Variants in PAPOLA observed in about 807,000 individuals in gnomAD.
The protein encoded by PAPOLA is poly(A) polymerase alpha.
A neutral mutation model predicts 100.6 loss-of-function variants in PAPOLA; 15 were observed. The observed-to-expected ratio is 0.15, with a 90% CI of 0.10 to 0.23. The LOEUF (loss-of-function observed/expected upper bound fraction) is 0.23. Among genes scored for constraint, PAPOLA ranks in the 10% least tolerant of loss-of-function variants. The pLI, the probability that PAPOLA is intolerant of heterozygous loss-of-function variation, is 1.00. For synonymous variants in PAPOLA, 293 were observed against 300.0 expected, an observed-to-expected ratio of 0.98 and a Z score of 0.24; for missense variants, 533 against 884.2, an observed-to-expected ratio of 0.60 and a Z score of 5.04.
chr14:96,557,287 G>A (rs1262905163), intron 19 of PAPOLA, among the ~76,000 whole-genome samples: 2 of 152,202 alleles, frequency 1.3e-5, no homozygotes, highest in Admixed American at 1.3e-4. Context: ...CTGGGCTCAA[G>A]CGATCCTCCT....
intron 21 of PAPOLA, among the ~76,000 whole-genome samples, chr14:96,564,397 ATT>A (rs1166590626): frequency 6.6e-6 from 1 of 152,006 alleles, no homozygotes; most frequent in Non-Finnish European, 1.5e-5. Flanking sequence ...CCATCTCTGT[ATT>A]TTTTTAGTGT....
chr14:96,553,531 AAT>A, intron 17 of PAPOLA: 1 of 152,012 alleles, frequency 6.6e-6, no homozygotes, highest in Non-Finnish European at 1.5e-5. Flanking sequence ...AAAAAAAAAA[AAT>A]TTTGAGTCTC....
In PAPOLA at chr14:96,531,971, T is replaced by G. The variant is rs1264719444; in HGVS notation, c.608-360T>G. On this transcript the variant is annotated intron_variant, in intron 7 of 21. Transcript: ENST00000216277. The stretch of plus-strand genomic sequence containing the variant: ...GGTACAATTTTATATTAGCATAGCT[T>G]GTTACTGTGCTCTTGAAGAGCAGTT... 3 of 1,252,666 alleles carry G rather than the reference T, an allele frequency of 2.4e-6. No homozygotes were observed. The African/African-American group carries it at 4.7e-5, about 20-fold the overall frequency. The allele number at this position is 1,252,666 out of a possible 1,614,324, so 77.6% of individuals were successfully genotyped here.
chr14:96,519,722 G>T (rs574971984), intron 1 of PAPOLA, among the ~76,000 whole-genome samples: 1 of 152,300 alleles, frequency 6.6e-6, no homozygotes, highest in Admixed American at 6.5e-5. Flanking sequence ...TCTGTAGCGT[G>T]TTTATCAATG....
intron 17 of PAPOLA, 68 bp from the exon 18 acceptor site, chr14:96,555,779 T>G: frequency 1.3e-6 from 1 of 777,434 alleles, no homozygotes; most frequent in South Asian, 1.9e-5. Context: ...TGTTATAGAT[T>G]ATTGTAATTT....
In PAPOLA at chr14:96,562,696, C is replaced by CA. The variant is rs1244634490; in HGVS notation, c.2068-122dup. 3 of 609,630 alleles carry CA rather than the reference C, an allele frequency of 4.9e-6. No homozygotes were observed. The African/African-American group carries it at 5.6e-5, about 11-fold the overall frequency. 37.8% of individuals were successfully genotyped at this position (609,630 alleles called of 1,614,324 possible). ...ACTAGATGTTTTTGTAATGTAGTCA[C>CA]ATCTTTCTCTTGATCCCTCCTGTCT... On this transcript the variant is annotated intron_variant, in intron 20 of 21. Coordinates refer to ENST00000216277, the MANE Select transcript of PAPOLA (RefSeq NM_032632.5).
At chr14:96,553,857 T>G (rs149768829) in intron 17 of PAPOLA, among the ~76,000 whole-genome samples, 1 of 152,300 alleles carries the variant, frequency 6.6e-6, no homozygotes, top group Non-Finnish European at 1.5e-5. Flanking sequence ...TTGGGGAGGA[T>G]TCCCTGGATG....
At chr14:96,543,413 T>A (rs1900148759) in intron 14 of PAPOLA, among the ~76,000 whole-genome samples, 1 of 152,092 alleles carries the variant, frequency 6.6e-6, no homozygotes, top group Non-Finnish European at 1.5e-5. Context: ...GATTGTTTGC[T>A]GTTCGTATGA....
At chr14:96,548,881 G>A (rs1900606922) in intron 16 of PAPOLA, among the ~76,000 whole-genome samples, 1 of 152,092 alleles carries the variant, frequency 6.6e-6, no homozygotes, top group Admixed American at 6.6e-5. Context: ...AATATATTAT[G>A]ATACAAAAGC....
In PAPOLA at chr14:96,533,057, G is replaced by A. The variant is rs531438265; in HGVS notation, c.836+408G>A. The A allele has an allele frequency of 1.1e-4, 112 of 978,266 alleles. 1 individual carries two copies. In the South Asian group the frequency reaches 4.6e-3, roughly 41 times the overall value. The allele number at this position is 978,266 out of a possible 1,614,324, so 60.6% of individuals were successfully genotyped here. Reference sequence around the variant, plus strand: ...TGTTTTTTTTTTCTTTTTGCTTTCAGCATTTATTTGGCCTAATATTAAAGA... The same window carrying A: ...TGTTTTTTTTTTCTTTTTGCTTTCAACATTTATTTGGCCTAATATTAAAGA... On this transcript the variant is annotated intron_variant, in intron 9 of 21. Transcript: ENST00000216277.
chr14:96,522,390 A>G (rs1269487091), intron 3 of PAPOLA, among the ~76,000 whole-genome samples: 1 of 151,182 alleles, frequency 6.6e-6, no homozygotes, highest in Middle Eastern at 3.2e-3. Flanking sequence ...AAGTGCTGGG[A>G]TTACAGGCGT....
Position 96,535,899 on chromosome 14 carries a change from C to T in PAPOLA, c.930C>T (p.Tyr310=), listed in dbSNP as rs1899482329. ...WDPRVNPSDR[Y]HLMPIITPAY... Reference sequence around the variant, plus strand: ...TGTAGGTAAACCCCAGTGATAGGTACCATCTTATGCCTATAATTACACCAG... The same window carrying T: ...TGTAGGTAAACCCCAGTGATAGGTATCATCTTATGCCTATAATTACACCAG... The change falls in exon 11 of 22, where the codon TAC becomes TAT. Residue 310 remains tyrosine, a synonymous_variant. Transcript: ENST00000216277. 6.3e-7 allele frequency: 1 copy of T among 1,599,954 alleles called. No homozygotes were observed. Among genetic ancestry groups the T allele is most frequent in the Non-Finnish European group, 8.5e-7 (1 of 1,172,676 alleles).
chr14:96,530,232 T>G (rs778730676), intron 6 of PAPOLA, among the ~76,000 whole-genome samples: 1 of 152,156 alleles, frequency 6.6e-6, no homozygotes, highest in Non-Finnish European at 1.5e-5. Context: ...ACAGTTAACT[T>G]TAATTCAGCA....
At chr14:96,527,832 A>T (rs965984395) in intron 5 of PAPOLA, 121 bp from the exon 6 acceptor site, 1 of 760,794 alleles carries the variant, frequency 1.3e-6, no homozygotes, top group Non-Finnish European at 2.4e-6. Flanking sequence ...GATCTGTCTG[A>T]TCGAACAGCC....
At chr14:96,554,546 C>T (rs1901127616) in intron 17 of PAPOLA, among the ~76,000 whole-genome samples, 1 of 152,162 alleles carries the variant, frequency 6.6e-6, no homozygotes, top group Admixed American at 6.5e-5. Flanking sequence ...TTGCCTACCT[C>T]CTCATGGTGT....
intron 15 of PAPOLA, among the ~76,000 whole-genome samples, chr14:96,544,952 A>G (rs901198080): frequency 1.6e-4 from 24 of 152,122 alleles, no homozygotes; most frequent in African/African-American, 5.5e-4. Flanking sequence ...CCAAAGACCA[A>G]ATGGTGGATG....
At chr14:96,550,422 T>A (rs925840026) in intron 16 of PAPOLA, among the ~76,000 whole-genome samples, 2 of 152,192 alleles carry the variant, frequency 1.3e-5, no homozygotes, top group South Asian at 4.1e-4. Flanking sequence ...TAAGATGTTT[T>A]ATTATTTCTT....
chr14:96,547,641 A>T (rs994118546), intron 15 of PAPOLA, 156 bp from the exon 16 acceptor site: 1 of 521,238 alleles, frequency 1.9e-6, no homozygotes, highest in South Asian at 3.1e-5. Flanking sequence ...TGCTCAGGCA[A>T]TGAATTATGT....
Position 96,551,296 on chromosome 14 carries a change from T to C in PAPOLA, c.1522-1184T>C, listed in dbSNP as rs559632429. ...CAGGTAACTGTAGAACTGAATATAA[T>C]TTACTTACTGAATAAATCCTCATAT... On this transcript the variant is annotated intron_variant, in intron 16 of 21. Transcript: ENST00000216277. 3.9e-5 allele frequency among the ~76,000 whole-genome samples: 6 copies of C among 152,310 alleles called. No homozygotes were observed. In the South Asian group the frequency reaches 1.2e-3, roughly 32 times the overall value.
Sources: allele counts gnomAD v4.1 joint callset (sites outside exome capture counted in the v4.1 genomes callset), GRCh38; gene constraint gnomAD v4.1.1; transcripts MANE v1.5; gene names NCBI Gene and HGNC (gene_info 2026-07-23, HGNC 2026-07-21).